ACOT7: variants seen among roughly 807,000 people sequenced by gnomAD.
ACOT7 encodes cytosolic acyl coenzyme A thioester hydrolase.
In ACOT7, 12 loss-of-function variants were observed where a neutral mutation model predicts 40.2. That is an observed-to-expected ratio of 0.30 (90% CI 0.19 to 0.48). The LOEUF (loss-of-function observed/expected upper bound fraction) is 0.48. ACOT7 is among the 20% of genes least tolerant of loss of function. ACOT7 has a pLI of 0.99. For synonymous variants in ACOT7, 228 were observed against 219.5 expected (o/e 1.04, Z -0.34); for missense variants, 395 against 530.8 (o/e 0.74, Z 2.51).
At chr1:6,277,187 T>C (rs1639221215) in intron 8 of ACOT7, among the ~76,000 whole-genome samples, 1 of 152,200 alleles carries the variant, frequency 6.6e-6, no homozygotes, top group South Asian at 2.1e-4. Flanking sequence ...TGAGAGCCCA[T>C]GGATCGCTGG....
chr1:6,349,679 G>C (rs1294763554), intron 2 of ACOT7, 70 bp downstream of exon 2: 16 of 1,462,868 alleles, frequency 1.1e-5, no homozygotes, highest in Non-Finnish European at 1.5e-5. Context: ...TGGCTCCCCG[G>C]GGAACTCCTG....
intron 5 of ACOT7, among the ~76,000 whole-genome samples, chr1:6,320,163 G>A (rs1261102755): frequency 6.6e-6 from 1 of 152,234 alleles, no homozygotes; most frequent in Non-Finnish European, 1.5e-5. Flanking sequence ...AAACTATCGG[G>A]TTATGAAGAT....
chr1:6,325,974 C>T (rs758409961), intron 5 of ACOT7, among the ~76,000 whole-genome samples: 2 of 152,202 alleles, frequency 1.3e-5, no homozygotes, highest in Non-Finnish European at 2.9e-5. Flanking sequence ...GCAGGTCCTC[C>T]ACCACTGCTG....
intron 1 of ACOT7, chr1:6,360,619 C>G (rs767181231): frequency 1.1e-5 from 18 of 1,614,216 alleles, no homozygotes; most frequent in Non-Finnish European, 1.5e-5. Context: ...TTTCTGAGGA[C>G]GTTTAGTGAC....
At chr1:6,284,941 G>C (rs531107280) in intron 7 of ACOT7, among the ~76,000 whole-genome samples, 20 of 152,190 alleles carry the variant, frequency 1.3e-4, no homozygotes, top group Non-Finnish European at 2.2e-4. Flanking sequence ...CCCTTCTCCA[G>C]AGAGCTGCCC....
intron 1 of ACOT7, 127 bp downstream of exon 1, chr1:6,393,130 G>A (rs1642562312): frequency 9.4e-7 from 1 of 1,063,772 alleles, no homozygotes; most frequent in African/African-American, 1.7e-5. Flanking sequence ...CGGCGCGGAA[G>A]GCCGTGCGGG....
chr1:6,284,420 T>C (rs1320102757), intron 7 of ACOT7, among the ~76,000 whole-genome samples: 2 of 151,620 alleles, frequency 1.3e-5, no homozygotes, highest in Non-Finnish European at 1.5e-5. Flanking sequence ...CTATTAAAAA[T>C]ACAAAATTAG....
In ACOT7 at chr1:6,289,214, C is replaced by T. The variant is rs796561588; in HGVS notation, c.829+5650G>A. ...TCTCAGGTTCAAGCGATTCTCCTAC[C>T]TCAGCCCCCCGAGTAGCTGGGATTA... On this transcript the variant is annotated intron_variant, in intron 7 of 8. Transcript: ENST00000361521. This position sits in a 1 kb window ranked among gnomAD's most constrained non-coding sequence, Gnocchi z 4.6. 4.4e-4 allele frequency among the ~76,000 whole-genome samples: 67 copies of T among 152,310 alleles called. No individual in the cohort carries two copies. Among genetic ancestry groups the T allele is most frequent in the African/African-American group, 1.6e-3 (67 of 41,548 alleles).
At chr1:6,349,311 C>A (rs1490610496) in intron 2 of ACOT7, among the ~76,000 whole-genome samples, 1 of 152,214 alleles carries the variant, frequency 6.6e-6, no homozygotes, top group Non-Finnish European at 1.5e-5. Context: ...CACAGAGAGC[C>A]ACGGCACTTG....
chr1:6,326,294 C>A (rs1640796824), intron 5 of ACOT7, among the ~76,000 whole-genome samples: 1 of 152,194 alleles, frequency 6.6e-6, no homozygotes, highest in Non-Finnish European at 1.5e-5. Flanking sequence ...CCTAGGGGGA[C>A]AGATGCTCCC....
intron 7 of ACOT7, among the ~76,000 whole-genome samples, chr1:6,292,312 C>A (rs766192716): frequency 6.6e-6 from 1 of 152,266 alleles, no homozygotes; most frequent in Non-Finnish European, 1.5e-5. Context: ...CACTGTCAGG[C>A]CCTGGGTGTG....
intron 1 of ACOT7, among the ~76,000 whole-genome samples, chr1:6,369,664 C>T (rs1315076703): frequency 2.6e-5 from 4 of 152,078 alleles, no homozygotes; most frequent in African/African-American, 9.7e-5. Flanking sequence ...CTGCAAGCTC[C>T]GCCTTCCAGG....
intron 1 of ACOT7, among the ~76,000 whole-genome samples, chr1:6,386,392 G>C (rs1270126127): frequency 1.3e-5 from 2 of 152,120 alleles, no homozygotes; most frequent in Non-Finnish European, 2.9e-5. Context: ...GGAGGAGGGA[G>C]TGAACCCCTA....
At chr1:6,277,134 C>G (rs1256023513) in intron 8 of ACOT7, among the ~76,000 whole-genome samples, 1 of 152,212 alleles carries the variant, frequency 6.6e-6, no homozygotes, top group Non-Finnish European at 1.5e-5. Flanking sequence ...TCAGGTTGGA[C>G]TCTATAGGGA....
At chr1:6,340,090 C>T (rs536060788) in intron 2 of ACOT7, among the ~76,000 whole-genome samples, 1 of 151,970 alleles carries the variant, frequency 6.6e-6, no homozygotes, top group Admixed American at 6.5e-5. Flanking sequence ...CTCAGCCTCC[C>T]GAGTAGCTGG....
chr1:6,267,954 G>C (rs774050887), intron 8 of ACOT7, among the ~76,000 whole-genome samples: 29 of 152,334 alleles, frequency 1.9e-4, no homozygotes, highest in Admixed American at 3.9e-4. Context: ...TGCAGCCCAT[G>C]TTCAACCAGG....
intron 8 of ACOT7, among the ~76,000 whole-genome samples, chr1:6,276,996 C>G (rs374204505): frequency 7.2e-5 from 11 of 152,196 alleles, no homozygotes; most frequent in South Asian, 2.1e-4. Flanking sequence ...GACCACCCCC[C>G]CCCAGGGTAT....
chr1:6,298,488 T>A (rs1286231434), intron 6 of ACOT7, among the ~76,000 whole-genome samples: 2 of 152,200 alleles, frequency 1.3e-5, no homozygotes, highest in African/African-American at 4.8e-5. Context: ...ACGGAGGCCC[T>A]AAGTCACATG....
intron 6 of ACOT7, among the ~76,000 whole-genome samples, chr1:6,296,466 C>T (rs1476602050): frequency 6.6e-6 from 1 of 152,024 alleles, no homozygotes; most frequent in Non-Finnish European, 1.5e-5. Flanking sequence ...CACTGTCGCC[C>T]AGGCTGGAGT....
Sources: gnomAD v4.1 joint callset for allele counts (sites outside exome capture counted in the v4.1 genomes callset) on GRCh38, gnomAD v4.1.1 for gene constraint, Gnocchi (gnomAD v3.1) non-coding constraint, MANE v1.5 for transcripts, NCBI Gene and HGNC (gene_info 2026-07-23, HGNC 2026-07-21) for gene names.